The following BBX variants were observed in gnomAD, a reference collection of about 807,000 sequenced individuals.
BBX encodes HMG box transcription factor BBX.
A neutral mutation model predicts 100.2 loss-of-function variants in BBX; 30 were observed. That is an observed-to-expected ratio of 0.30 (90% CI 0.22 to 0.41). The LOEUF (loss-of-function observed/expected upper bound fraction) is 0.41. Ranked by LOEUF, BBX falls within the 10% of genes least tolerant of loss-of-function variation. The pLI, the probability that BBX is intolerant of heterozygous loss-of-function variation, is 1.00. For missense variants in BBX, 1,023 were observed against 1,129.8 expected (o/e 0.91, Z 1.35); for synonymous variants, 376 against 388.1 (o/e 0.97, Z 0.37).
intron 3 of BBX, among the ~76,000 whole-genome samples, chr3:107,688,394 G>T (rs1034970341): frequency 2.6e-5 from 4 of 152,200 alleles, no homozygotes; most frequent in Admixed American, 1.3e-4. Flanking sequence ...GGTCACAGTT[G>T]GCAAAGTTTG....
chr3:107,754,011 A>G (rs941970328), intron 9 of BBX, among the ~76,000 whole-genome samples: 1 of 152,190 alleles, frequency 6.6e-6, no homozygotes, highest in African/African-American at 2.4e-5. Context: ...GCACTGCCCT[A>G]CACTAGCATC....
chr3:107,548,309 A>T (rs537091402), intron 2 of BBX, among the ~76,000 whole-genome samples: 6 of 152,312 alleles, frequency 3.9e-5, no homozygotes, highest in African/African-American at 1.4e-4. Flanking sequence ...TACTCTTGCT[A>T]AAAACACTTT....
At chr3:107,700,411 C>CATTATTATT (rs1491581350) in intron 3 of BBX, among the ~76,000 whole-genome samples, 5 of 133,916 alleles carry the variant, frequency 3.7e-5, no homozygotes, top group African/African-American at 6.4e-5. Flanking sequence ...TTTCTTTCAT[C>CATTATTATT]ATCATTATTA....
intron 2 of BBX, among the ~76,000 whole-genome samples, chr3:107,531,831 G>A (rs182761568): frequency 2.6e-5 from 4 of 152,190 alleles, no homozygotes; most frequent in African/African-American, 4.8e-5. Flanking sequence ...CATATTTCAC[G>A]GTAGTTCTCC....
chr3:107,656,987 A>T (rs1361890201), intron 3 of BBX: 1 of 152,184 alleles, frequency 6.6e-6, no homozygotes, highest in African/African-American at 2.4e-5. Flanking sequence ...ACGGTGGGAA[A>T]CTTTGGTGTG....
chr3:107,788,811 AAG>A (rs1158307796), intron 13 of BBX, among the ~76,000 whole-genome samples: 2 of 152,080 alleles, frequency 1.3e-5, no homozygotes, highest in African/African-American at 2.4e-5. Flanking sequence ...ACAGAATGGA[AAG>A]AGAGAAACTG....
At chr3:107,538,625 A>G (rs139224719) in intron 2 of BBX, among the ~76,000 whole-genome samples, 14 of 152,204 alleles carry the variant, frequency 9.2e-5, no homozygotes, top group African/African-American at 2.9e-4. Flanking sequence ...CCTCATATTT[A>G]TTTTTAATTG....
At chr3:107,766,066 T>C (rs1381378381) in intron 10 of BBX, among the ~76,000 whole-genome samples, 2 of 152,150 alleles carry the variant, frequency 1.3e-5, no homozygotes, top group Non-Finnish European at 2.9e-5. Flanking sequence ...GAAAATGCTT[T>C]AAAAAGTCAA....
intron 4 of BBX, among the ~76,000 whole-genome samples, chr3:107,710,831 C>T (rs2061672362): frequency 1.3e-5 from 2 of 152,156 alleles, no homozygotes; most frequent in East Asian, 3.9e-4. Context: ...TGAGACACAT[C>T]CTTTTAAATA....
intron 3 of BBX, among the ~76,000 whole-genome samples, chr3:107,705,638 G>A (rs2061348671): frequency 6.6e-6 from 1 of 152,176 alleles, no homozygotes; most frequent in Non-Finnish European, 1.5e-5. Context: ...TGACATCTTA[G>A]GATGAGTTTA....
chr3:107,640,001 T>C (rs2057093642), intron 2 of BBX, among the ~76,000 whole-genome samples: 1 of 152,206 alleles, frequency 6.6e-6, no homozygotes, highest in Non-Finnish European at 1.5e-5. Flanking sequence ...AGTTTTTATC[T>C]CTAATGAGAT....
chr3:107,602,321 A>T, intron 2 of BBX, among the ~76,000 whole-genome samples: 1 of 152,224 alleles, frequency 6.6e-6, no homozygotes, highest in East Asian at 1.9e-4. Flanking sequence ...CTAAGGCTAC[A>T]GCTGCTATAA....
At position 107,801,278 on chromosome 3, in the gene BBX, A is replaced by G. The variant is rs747821182; in HGVS notation, c.2735A>G (p.His912Arg). The G allele has an allele frequency of 3.7e-6, 6 of 1,613,756 alleles. No homozygotes were observed. In the Admixed American group the frequency reaches 8.3e-5, roughly 22 times the overall value. ...GAAGTGGCAGCCATGGAAAATGTGCACAGGTTAGTGGTAGAAGGTGGAAGG... is the reference window on the plus strand; with the variant it reads ...GAAGTGGCAGCCATGGAAAATGTGCGCAGGTTAGTGGTAGAAGGTGGAAGG... The part of the protein sequence containing the change: ...LAEVAAMENV[H>R]RGQRSTPLTH... Residue 912 changes from histidine to arginine, a missense_variant, in exon 17 of 18, where the codon CAC becomes CGC. Around this residue, in one of 9 missense-constraint regions of BBX, gnomAD observed 104 missense variants for 132.2 expected, o/e 0.79. Coordinates refer to ENST00000325805, the MANE Select transcript of BBX (RefSeq NM_001142568.3).
chr3:107,608,631 T>C (rs2054614155), intron 2 of BBX, among the ~76,000 whole-genome samples: 1 of 152,176 alleles, frequency 6.6e-6, no homozygotes, highest in South Asian at 2.1e-4. Flanking sequence ...AGGGATTATA[T>C]TCAATCCGTA....
At chr3:107,535,949 A>T (rs1329307731) in intron 2 of BBX, among the ~76,000 whole-genome samples, 2 of 152,242 alleles carry the variant, frequency 1.3e-5, no homozygotes, top group Admixed American at 1.3e-4. Flanking sequence ...TTACTAAAGG[A>T]ATTAACAGTA....
At chr3:107,752,940 A>G (rs2065190444) in intron 9 of BBX, among the ~76,000 whole-genome samples, 1 of 152,262 alleles carries the variant, frequency 6.6e-6, no homozygotes, top group Non-Finnish European at 1.5e-5. Flanking sequence ...TAGGTAGAAC[A>G]GCATGGGCAG....
intron 15 of BBX, among the ~76,000 whole-genome samples, chr3:107,794,983 TG>T (rs2069457959): frequency 6.6e-6 from 1 of 152,222 alleles, no homozygotes; most frequent in Non-Finnish European, 1.5e-5. Context: ...AAGTGTGTTA[TG>T]GTTATTGTTT....
intron 2 of BBX, among the ~76,000 whole-genome samples, chr3:107,527,089 A>C (rs1434109666): frequency 6.6e-6 from 1 of 152,216 alleles, no homozygotes; most frequent in East Asian, 1.9e-4. Context: ...AATCTGCAAA[A>C]TATGTGTGGG....
chr3:107,534,172 C>T (rs1053219685), intron 2 of BBX, among the ~76,000 whole-genome samples: 13 of 152,290 alleles, frequency 8.5e-5, no homozygotes, highest in Middle Eastern at 3.4e-3. Context: ...TATTTATTTA[C>T]ATGACTACAT....
Sources: allele counts gnomAD v4.1 joint callset (sites outside exome capture counted in the v4.1 genomes callset), GRCh38; gene constraint gnomAD v4.1.1; regional missense constraint gnomAD v4.1.1; transcripts MANE v1.5; gene names NCBI Gene and HGNC (gene_info 2026-07-23, HGNC 2026-07-21).